Variants in UGT2B4 observed in about 807,000 individuals in gnomAD.
UGT2B4 encodes UDP glucuronosyltransferase family 2 member B4, also known as UDP-glucuronosyltransferase 2B4.
A neutral mutation model predicts 49.8 loss-of-function variants in UGT2B4; 49 were observed. The ratio of observed to expected loss-of-function variants is 0.98; its 90% CI spans 0.78 to 1.25. UGT2B4 has a LOEUF of 1.25. UGT2B4 is among the 50% of genes most tolerant of loss of function. The pLI, the probability that UGT2B4 is intolerant of heterozygous loss-of-function variation, is 0.00. For missense variants in UGT2B4, 729 were observed against 627.7 expected, an observed-to-expected ratio of 1.16 and a Z score of -1.73; for synonymous variants, 246 against 217.7, an observed-to-expected ratio of 1.13 and a Z score of -1.14.
intron 3 of UGT2B4, among the ~76,000 whole-genome samples, chr4:69,487,841 C>T (rs1274352817): frequency 2.0e-5 from 3 of 152,040 alleles, no homozygotes; most frequent in Admixed American, 1.3e-4. Flanking sequence ...GAAAAAGCAA[C>T]AACAATTTAC....
intron 1 of UGT2B4, among the ~76,000 whole-genome samples, chr4:69,505,197 T>C (rs1728436966): frequency 6.6e-6 from 1 of 152,040 alleles, no homozygotes; most frequent in Non-Finnish European, 1.5e-5. Context: ...AACATCATGA[T>C]GGCAGGATCA....
At chr4:69,499,014 C>A (rs1437055439), upstream of UGT2B4, among the ~76,000 whole-genome samples, 1 of 152,106 alleles carries the variant, frequency 6.6e-6, no homozygotes, top group Non-Finnish European at 1.5e-5. Flanking sequence ...CTTTAAATTT[C>A]CCGCTTAGCA....
chr4:69,487,820 A>G (rs1207198361), intron 3 of UGT2B4, among the ~76,000 whole-genome samples: 1 of 152,110 alleles, frequency 6.6e-6, no homozygotes, highest in Non-Finnish European at 1.5e-5. Context: ...AGGTAGTCAT[A>G]ATTCTAGTGT....
At chr4:69,505,472 A>T (rs1431755219) in intron 1 of UGT2B4, among the ~76,000 whole-genome samples, 1 of 151,694 alleles carries the variant, frequency 6.6e-6, no homozygotes, top group African/African-American at 2.4e-5. Context: ...AAAAGAGAAG[A>T]ACACTGCATA....
In UGT2B4 at chr4:69,495,232, C is replaced by G; in HGVS notation, c.630G>C (p.Arg210Ser). ...AAAGCACATAGATCATATTTTTTACCCTCTCTATGAAAGTCATTTGGTCAC... is the reference window on the plus strand; with the variant it reads ...AAAGCACATAGATCATATTTTTTACGCTCTCTATGAAAGTCATTTGGTCAC... Reference protein sequence around the residue: ...ELSDQMTFIERVKNMIYVLYF... With the variant: ...ELSDQMTFIESVKNMIYVLYF... The change falls in exon 1 of 6, where the codon AGG (arginine) becomes AGC (serine). Residue 210 changes from arginine to serine, a missense_variant. Transcript: ENST00000305107. 6.2e-7 allele frequency: 1 copy of G among 1,607,962 alleles called. No individual in the cohort carries two copies. The highest frequency in any genetic ancestry group is 8.5e-7 in the Non-Finnish European group (1 of 1,178,314).
rs768231044 is a variant in UGT2B4 at position 69,480,610 on chromosome 4, C to T, written c.*24G>A. On this transcript the variant is annotated 3_prime_UTR_variant, in exon 6 of 6. Transcript: ENST00000305107. ...CTAAAGGAGTTCATTTATTGGGTTT[C>T]CCAGCTTCCAGCCTCAGACGTAATT... is the stretch of plus-strand genomic sequence containing the variant. 9.3e-6 allele frequency: 15 copies of T among 1,606,296 alleles called. No individual in the cohort carries two copies. Among genetic ancestry groups the T allele is most frequent in the Non-Finnish European group, 1.1e-5 (13 of 1,175,396 alleles).
upstream of UGT2B4, among the ~76,000 whole-genome samples, chr4:69,497,108 T>C (rs1331066425): frequency 1.3e-5 from 2 of 152,196 alleles, no homozygotes; most frequent in Admixed American, 6.5e-5. Flanking sequence ...GTTCTATAGA[T>C]AATAACTTAA....
At chr4:69,483,794 T>C (rs1370124519) in intron 5 of UGT2B4, among the ~76,000 whole-genome samples, 1 of 152,058 alleles carries the variant, frequency 6.6e-6, no homozygotes, top group African/African-American at 2.4e-5. Flanking sequence ...AAATCAATTA[T>C]CAAAAATTTT....
At chr4:69,489,416 A>G in intron 3 of UGT2B4, 23 bp downstream of exon 3, 1 of 1,605,862 alleles carries the variant, frequency 6.2e-7, no homozygotes, top group South Asian at 1.1e-5. Flanking sequence ...AGTTTTTTAC[A>G]CCATTAAAAC....
intron 1 of UGT2B4, among the ~76,000 whole-genome samples, chr4:69,520,578 C>A (rs1306938409): frequency 6.6e-6 from 1 of 152,246 alleles, no homozygotes; most frequent in Non-Finnish European, 1.5e-5. Context: ...CTCCCGGAAC[C>A]CAGTCTGGGG....
At chr4:69,497,381 G>A (rs111699463), upstream of UGT2B4, among the ~76,000 whole-genome samples, 1 of 152,182 alleles carries the variant, frequency 6.6e-6, no homozygotes, top group African/African-American at 2.4e-5. Context: ...CCTTGAGGAG[G>A]TAAGTTTGAG....
intron 2 of UGT2B4, among the ~76,000 whole-genome samples, chr4:69,489,780 T>G (rs1727926472): frequency 6.6e-6 from 1 of 151,952 alleles, no homozygotes; most frequent in South Asian, 2.1e-4. Flanking sequence ...TGTAAATATG[T>G]GTGTGTGTAT....
chr4:69,485,140 G>T, intron 5 of UGT2B4, 68 bp downstream of exon 5: 4 of 1,542,426 alleles, frequency 2.6e-6, no homozygotes, highest in Non-Finnish European at 8.9e-7. Context: ...AAGGATAAAA[G>T]TCATACTCAC....
chr4:69,502,946 G>A (rs1446920150), intron 1 of UGT2B4, among the ~76,000 whole-genome samples: 2 of 148,970 alleles, frequency 1.3e-5, no homozygotes, highest in Non-Finnish European at 3.0e-5. Context: ...ATCCTGGGAT[G>A]ATTGCATTGA....
Position 69,495,470 on chromosome 4 carries a change from A to G in UGT2B4, c.392T>C (p.Val131Ala). The G allele has an allele frequency of 5.6e-6, 9 of 1,612,910 alleles. No individual in the cohort carries two copies. The highest frequency in any genetic ancestry group is 7.6e-6 in the Non-Finnish European group (9 of 1,179,378). The change falls in exon 1 of 6, where the codon GTT becomes GCT. Residue 131 changes from valine to alanine, a missense_variant. Val to Ala is a moderately conservative substitution (Grantham distance 64). Coordinates refer to ENST00000305107, the MANE Select transcript of UGT2B4 (RefSeq NM_021139.3). ...DILRKFCKDI[V>A]SNKKLMKKLQ... ...TTTCTTCATAAGTTTCTTATTTGAA[A>G]CTATATCCTTACAGAACTTTCTAAG...
chr4:69,496,956 A>AC (rs1383245462), upstream of UGT2B4, among the ~76,000 whole-genome samples: 254 of 20,756 alleles, frequency 0.012, 2 homozygotes, highest in Non-Finnish European at 0.047. Context: ...GGGGAAAAAA[A>AC]AAAAAAAAGT....
At chr4:69,506,061 G>A (rs1051175316) in intron 1 of UGT2B4, among the ~76,000 whole-genome samples, 3 of 152,026 alleles carry the variant, frequency 2.0e-5, no homozygotes, top group Non-Finnish European at 2.9e-5. Flanking sequence ...AAATCTCTAG[G>A]ATAAACCCAA....
rs754811593 is a variant in UGT2B4, at chr4:69,495,682, A to C, written c.180T>G (p.Ala60=). 1 of 1,614,098 alleles carries C rather than the reference A, an allele frequency of 6.2e-7. No individual in the cohort carries two copies. The highest frequency in any genetic ancestry group is 1.7e-5 in the Admixed American group (1 of 60,010). The change falls in exon 1 of 6, where the codon GCT becomes GCG. Residue 60 remains alanine (A), a synonymous_variant. Coordinates refer to ENST00000305107, the MANE Select transcript of UGT2B4 (RefSeq NM_021139.3). ...GHEVTVLASS[A]SISFDPNSPS... is the part of the protein sequence containing the mutation. The stretch of plus-strand genomic sequence containing the variant: ...GGCTGTTGGGATCGAAAGAAATGGA[A>C]GCTGAAGATGCCAATACAGTCACCT...
chr4:69,490,829 T>C (rs1463034624), intron 2 of UGT2B4, among the ~76,000 whole-genome samples: 1 of 152,146 alleles, frequency 6.6e-6, no homozygotes, highest in South Asian at 2.1e-4. Flanking sequence ...TGTAGCCACA[T>C]TTGATGTAAC....
Sources: gnomAD v4.1 joint callset for allele counts (sites outside exome capture counted in the v4.1 genomes callset) on GRCh38, gnomAD v4.1.1 for gene constraint, MANE v1.5 for transcripts, NCBI Gene and HGNC (gene_info 2026-07-23, HGNC 2026-07-21) for gene names.